KCTD1: variants seen among roughly 807,000 people sequenced by gnomAD.
KCTD1 encodes BTB/POZ domain-containing protein KCTD1.
In KCTD1, 24 loss-of-function variants were observed where a neutral mutation model predicts 66.0. The ratio of observed to expected loss-of-function variants is 0.36; its 90% CI spans 0.26 to 0.51. KCTD1 has a LOEUF of 0.51. Ranked by LOEUF, KCTD1 falls within the 20% of genes least tolerant of loss-of-function variation. KCTD1 has a pLI of 0.95. For synonymous variants in KCTD1, 511 were observed against 517.2 expected (o/e 0.99, Z 0.16); for missense variants, 943 against 1,205.2 (o/e 0.78, Z 3.22).
intron 1 of KCTD1, among the ~76,000 whole-genome samples, chr18:26,625,445 T>C (rs1364331900): frequency 6.6e-6 from 1 of 151,946 alleles, no homozygotes; most frequent in Non-Finnish European, 1.5e-5. Context: ...TTAGTTCTCA[T>C]GAGATCTGAT....
chr18:26,479,105 G>A (rs1381125131), intron 2 of KCTD1, among the ~76,000 whole-genome samples: 1 of 152,240 alleles, frequency 6.6e-6, no homozygotes, highest in Non-Finnish European at 1.5e-5. Context: ...TTCCAATGTA[G>A]TTAAAATAGA....
chr18:26,595,208 C>T (rs545479833), intron 1 of KCTD1, among the ~76,000 whole-genome samples: 30 of 152,138 alleles, frequency 2.0e-4, no homozygotes, highest in Non-Finnish European at 3.1e-4. Flanking sequence ...CTCACTACCC[C>T]CTACCCCATT....
chr18:26,611,186 T>C (rs894257841), intron 1 of KCTD1, among the ~76,000 whole-genome samples: 2 of 152,226 alleles, frequency 1.3e-5, no homozygotes, highest in African/African-American at 4.8e-5. Context: ...TCTGTTGCTA[T>C]GTCTTCAACA....
intron 1 of KCTD1, among the ~76,000 whole-genome samples, chr18:26,510,723 C>T (rs2144712794): frequency 6.6e-6 from 1 of 152,250 alleles, no homozygotes; most frequent in African/African-American, 2.4e-5. Context: ...TAGAATTTCG[C>T]ATGTTTTTTT....
intron 1 of KCTD1, among the ~76,000 whole-genome samples, chr18:26,506,932 G>A (rs756338152): frequency 1.2e-4 from 18 of 152,312 alleles, no homozygotes; most frequent in South Asian, 2.1e-4. Context: ...TTGGGAGGCC[G>A]AGGCGGGCAG....
In KCTD1 at chr18:26,533,510, C is replaced by A. The variant is rs78517796; in HGVS notation, c.1809+13218G>T. On this transcript the variant is annotated intron_variant, in intron 1 of 4. Coordinates refer to ENST00000580059, the MANE Select transcript of KCTD1 (RefSeq NM_001142730.3). ...ATGAGATCTTTTCTAGCTAAGTGGC[C>A]ATAAGAATTTTTCTTTGTTTCCTCT... is the stretch of plus-strand genomic sequence containing the variant. 9.8e-3 allele frequency among the ~76,000 whole-genome samples: 1,489 copies of A among 152,072 alleles called. 28 individuals carry two copies. The highest frequency in any genetic ancestry group is 0.034 in the African/African-American group (1,421 of 41,490).
chr18:26,646,347 G>A (rs545308903), intron 1 of KCTD1, among the ~76,000 whole-genome samples: 3 of 152,260 alleles, frequency 2.0e-5, no homozygotes, highest in South Asian at 4.1e-4. Flanking sequence ...TCCATCCTTT[G>A]ACGGAGGCAC....
chr18:26,549,091 G>C (rs1985432092), upstream of KCTD1: 3 of 985,012 alleles, frequency 3.0e-6, no homozygotes, highest in South Asian at 4.7e-5. Context: ...CGTGTCTGGG[G>C]CCGCCCGGAG....
intron 1 of KCTD1, 25 bp from the exon 2 acceptor site, chr18:26,501,275 A>T (rs1567970067): frequency 1.2e-6 from 2 of 1,600,188 alleles, no homozygotes; most frequent in Non-Finnish European, 1.7e-6. Context: ...GCAAGTTTAG[A>T]TACTTTTTCT....
At chr18:26,549,948 G>T (rs950890702), upstream of KCTD1, 2 of 303,014 alleles carry the variant, frequency 6.6e-6, no homozygotes, top group Non-Finnish European at 9.7e-6. Flanking sequence ...CGGCCCAGGG[G>T]CAGCTTCCCA....
chr18:26,616,174 G>A (rs1376694503), intron 1 of KCTD1, among the ~76,000 whole-genome samples: 6 of 137,876 alleles, frequency 4.4e-5, no homozygotes, highest in Non-Finnish European at 7.8e-5. Context: ...TTTTATTGTT[G>A]GACCTCAGGT....
intron 3 of KCTD1, among the ~76,000 whole-genome samples, chr18:26,467,607 G>C (rs1234883979): frequency 1.3e-5 from 2 of 152,126 alleles, no homozygotes; most frequent in African/African-American, 4.8e-5. Flanking sequence ...CCTGAGGTCA[G>C]AAGTTCAAGA....
intron 1 of KCTD1, among the ~76,000 whole-genome samples, chr18:26,589,037 C>G (rs746976801): frequency 5.3e-5 from 8 of 151,884 alleles, no homozygotes; most frequent in African/African-American, 2.4e-5. Flanking sequence ...GGGATAAATA[C>G]TCTCTAAGGA....
intron 1 of KCTD1, among the ~76,000 whole-genome samples, chr18:26,540,621 AAGG>A (rs754174694): frequency 1.8e-4 from 27 of 152,192 alleles, no homozygotes; most frequent in African/African-American, 5.5e-4. Flanking sequence ...TGAAGATGAC[AAGG>A]AGACCTTTAT....
rs1568005880 is a variant in KCTD1 at position 26,600,438 on chromosome 18, A to T, written c.-16+28709T>A. The T allele has an allele frequency of 4.2e-6, 3 of 708,616 alleles. No individual in the cohort carries two copies. The South Asian group carries it at 5.0e-5, about 12-fold the overall frequency. The allele number at this position is 708,616 out of a possible 1,614,324, so 43.9% of individuals were successfully genotyped here. A position where few individuals can be genotyped will look rare whatever the true frequency, so the allele number is the denominator to read the frequency against. ...CCTCCCACCTCCTCTGGATTTGTTCACTCTGAGATCTATTTGCAGAGTGGG... is the reference window on the plus strand; with the variant it reads ...CCTCCCACCTCCTCTGGATTTGTTCTCTCTGAGATCTATTTGCAGAGTGGG... On this transcript the variant is annotated intron_variant, in intron 1 of 4. Transcript: ENST00000317932.
chr18:26,464,145 T>G (rs899312632), intron 3 of KCTD1, among the ~76,000 whole-genome samples: 12 of 152,252 alleles, frequency 7.9e-5, no homozygotes, highest in African/African-American at 2.9e-4. Context: ...AACACAAATT[T>G]ATTCCCTTAC....
At chr18:26,512,363 A>T (rs1407576136) in intron 1 of KCTD1, among the ~76,000 whole-genome samples, 1 of 151,988 alleles carries the variant, frequency 6.6e-6, no homozygotes, top group Non-Finnish European at 1.5e-5. Flanking sequence ...TCTGCCTCTT[A>T]AAGTGCTAAG....
chr18:26,621,545 A>G (rs116882271), intron 1 of KCTD1, among the ~76,000 whole-genome samples: 4 of 152,142 alleles, frequency 2.6e-5, no homozygotes, highest in Non-Finnish European at 5.9e-5. Context: ...GAGGGAGGGG[A>G]AGGCAGAGGA....
At chr18:26,635,362 T>C (rs1396416315) in intron 1 of KCTD1, among the ~76,000 whole-genome samples, 2 of 152,244 alleles carry the variant, frequency 1.3e-5, no homozygotes, top group South Asian at 2.1e-4. Flanking sequence ...AATACAGAAT[T>C]GCTAGTGCAA....
Sources: gnomAD v4.1 joint callset for allele counts (sites outside exome capture counted in the v4.1 genomes callset) on GRCh38, gnomAD v4.1.1 for gene constraint, MANE v1.5 for transcripts, NCBI Gene and HGNC (gene_info 2026-07-23, HGNC 2026-07-21) for gene names.